FOXP1: variants seen among roughly 807,000 people sequenced by gnomAD.
The protein encoded by FOXP1 is forkhead box P1.
A neutral mutation model predicts 98.2 loss-of-function variants in FOXP1; 15 were observed. The observed-to-expected ratio is 0.15, with a 90% CI of 0.10 to 0.24. FOXP1 has a LOEUF of 0.24. FOXP1 is among the 10% of genes least tolerant of loss of function. FOXP1 has a pLI of 1.00. For missense variants in FOXP1, 633 were observed against 848.5 expected (o/e 0.75, Z 3.15); for synonymous variants, 371 against 314.5 (o/e 1.18, Z -1.90).
Position 71,583,578 on chromosome 3 carries a change from A to C in FOXP1, c.-454T>G. On this transcript the variant is annotated 5_prime_UTR_variant, in exon 1 of 21. Coordinates refer to ENST00000649528, the MANE Select transcript of FOXP1 (RefSeq NM_001349338.3). ...GGAAAAATACAAACTCACCCGCTGC[A>C]AATGGTCTCTCGGTGCAAACTAAGG... 1.0e-6 allele frequency: 1 copy of C among 982,680 alleles called. No homozygotes were observed. Among genetic ancestry groups the C allele is most frequent in the South Asian group, 4.7e-5 (1 of 21,158 alleles). 60.9% of individuals were successfully genotyped at this position (982,680 alleles called of 1,614,324 possible).
intron 7 of FOXP1, among the ~76,000 whole-genome samples, chr3:71,079,651 G>C (rs760073468): frequency 4.6e-4 from 70 of 152,208 alleles, no homozygotes; most frequent in Non-Finnish European, 6.9e-4. Context: ...ACCTGTTCAC[G>C]TCAGGGCTTA....
At chr3:71,063,910 G>GTCCTC (rs2051917668) in intron 7 of FOXP1, among the ~76,000 whole-genome samples, 1 of 152,124 alleles carries the variant, frequency 6.6e-6, no homozygotes, top group Non-Finnish European at 1.5e-5. Context: ...CTTCCTAAAG[G>GTCCTC]TCCTCTCCTT....
At chr3:71,519,135 A>ATT (rs2042792870) in intron 2 of FOXP1, among the ~76,000 whole-genome samples, 2 of 152,202 alleles carry the variant, frequency 1.3e-5, no homozygotes, top group Admixed American at 6.5e-5. Context: ...ATTGCCAGCT[A>ATT]CTCAGAAGGC....
At chr3:71,414,869 T>C (rs772818944) in intron 3 of FOXP1, among the ~76,000 whole-genome samples, 9 of 152,260 alleles carry the variant, frequency 5.9e-5, no homozygotes, top group Admixed American at 1.3e-4. Flanking sequence ...CAGAATTGCA[T>C]AGCTTCAGGG....
intron 3 of FOXP1, among the ~76,000 whole-genome samples, chr3:71,465,625 G>A (rs1484365280): frequency 3.9e-5 from 6 of 152,152 alleles, no homozygotes; most frequent in Non-Finnish European, 7.3e-5. Context: ...GGCAGGGTCC[G>A]TGCTTGGTTT....
chr3:71,568,924 G>A lies in FOXP1; in HGVS notation c.-298+12625C>T, dbSNP rs562984049. On this transcript the variant is annotated intron_variant, in intron 2 of 20. Coordinates refer to ENST00000649528, the MANE Select transcript of FOXP1 (RefSeq NM_001349338.3). ...GGCCTGCCAAAGTGCTAGGATTACA[G>A]GCGTGAGCCACTGTGCCCAGCCTGT... Among the ~76,000 whole-genome samples the A allele has an allele frequency of 2.6e-5, 4 of 152,322 alleles. No individual in the cohort carries two copies. The East Asian group carries it at 7.7e-4, about 29-fold the overall frequency.
intron 11 of FOXP1, among the ~76,000 whole-genome samples, chr3:71,039,278 T>C (rs1461534958): frequency 6.6e-6 from 1 of 152,150 alleles, no homozygotes; most frequent in African/African-American, 2.4e-5. Flanking sequence ...GTGTGTAGTA[T>C]GATGAAGATT....
Position 71,015,629 on chromosome 3 carries a change from A to G in FOXP1, c.894T>C (p.His298=), listed in dbSNP as rs751910709. ...RESLSHEEHP[H]SHPLYGHGVC... ...CACCATGTCCATAGAGAGGATGGCT[A>G]TGGGGGTGCTCCTCATGGGACAAAC... Residue 298 remains histidine, a synonymous_variant, in exon 12 of 21, where the codon CAT becomes CAC. Transcript: ENST00000649528. The G allele has an allele frequency of 1.9e-6, 3 of 1,612,202 alleles. No homozygotes were observed. Among genetic ancestry groups the G allele is most frequent in the African/African-American group, 1.3e-5 (1 of 74,846 alleles).
At chr3:71,171,690 G>A (rs1025263354) in intron 6 of FOXP1, among the ~76,000 whole-genome samples, 1 of 152,158 alleles carries the variant, frequency 6.6e-6, no homozygotes, top group Non-Finnish European at 1.5e-5. Flanking sequence ...CAATCTATTA[G>A]CAACCTGAAT....
At chr3:71,487,581 GA>G (rs1375511253) in intron 3 of FOXP1, among the ~76,000 whole-genome samples, 1 of 152,206 alleles carries the variant, frequency 6.6e-6, no homozygotes, top group Non-Finnish European at 1.5e-5. Context: ...GTAAAGGAAA[GA>G]ATATGACCAA....
chr3:71,008,452 G>A (rs1474125545), intron 12 of FOXP1, among the ~76,000 whole-genome samples: 1 of 152,118 alleles, frequency 6.6e-6, no homozygotes, highest in East Asian at 1.9e-4. Flanking sequence ...ACTTGTTTTT[G>A]TTTTTCTGTT....
chr3:71,177,840 C>CTTTTTT lies in FOXP1; in HGVS notation c.180+20356_180+20361dup, dbSNP rs397704711. On this transcript the variant is annotated intron_variant, in intron 6 of 20. Transcript: ENST00000649528. ...ATAGTTTATTTTCTTTTCTTTCTTT[C>CTTTTTT]TTTTTTTTTTTTTTTTTTTGAGAAA... is the stretch of plus-strand genomic sequence containing the variant. Among the ~76,000 whole-genome samples the CTTTTTT allele has an allele frequency of 4.4e-4, 50 of 114,920 alleles. 2 individuals carry two copies. Among genetic ancestry groups the CTTTTTT allele is most frequent in the African/African-American group, 8.1e-4 (23 of 28,466 alleles). 75.4% of individuals were successfully genotyped at this position (114,920 alleles called of 152,430 possible).
chr3:71,542,310 T>G (rs2044908144), intron 2 of FOXP1, among the ~76,000 whole-genome samples: 1 of 152,338 alleles, frequency 6.6e-6, no homozygotes, highest in South Asian at 2.1e-4. Flanking sequence ...TTTTTGTTGT[T>G]GTTTGCACCC....
intron 12 of FOXP1, among the ~76,000 whole-genome samples, chr3:71,003,195 A>ACTTGTCCGTC (rs2042332714): frequency 6.6e-6 from 1 of 152,192 alleles, no homozygotes; most frequent in Non-Finnish European, 1.5e-5. Context: ...AAACGGACAA[A>ACTTGTCCGTC]AAGCAAGGCC....
chr3:71,478,818 T>C (rs551652282), intron 3 of FOXP1, among the ~76,000 whole-genome samples: 6 of 152,310 alleles, frequency 3.9e-5, no homozygotes, highest in African/African-American at 1.4e-4. Flanking sequence ...AGGCACCATG[T>C]TCAGGAAATG....
intron 11 of FOXP1, among the ~76,000 whole-genome samples, chr3:71,020,044 C>T (rs900080530): frequency 4.6e-5 from 7 of 152,038 alleles, no homozygotes; most frequent in African/African-American, 7.2e-5. Flanking sequence ...GAGAAACTAT[C>T]GTTATGACAC....
intron 3 of FOXP1, among the ~76,000 whole-genome samples, chr3:71,469,275 T>C (rs541561952): frequency 2.6e-5 from 4 of 152,228 alleles, no homozygotes; most frequent in African/African-American, 9.6e-5. Flanking sequence ...CAACACTGTT[T>C]CCATAGTAAC....
intron 17 of FOXP1, 26 bp from the exon 18 acceptor site, chr3:70,972,702 A>ATTTACATTTTCTATAAGAAAAGACTC: frequency 6.2e-7 from 1 of 1,612,688 alleles, no homozygotes; most frequent in Non-Finnish European, 8.5e-7. Context: ...AAGAGAGAAC[A>ATTTACATTTTCTATAAGAAAAGACTC]TTTACATTTT....
chr3:71,249,125 T>A (rs2067988667), intron 5 of FOXP1, among the ~76,000 whole-genome samples: 1 of 152,154 alleles, frequency 6.6e-6, no homozygotes, highest in African/African-American at 2.4e-5. Context: ...GAGTTTAGAG[T>A]CATGTGGATG....
Sources: gnomAD v4.1 joint callset for allele counts (sites outside exome capture counted in the v4.1 genomes callset) on GRCh38, gnomAD v4.1.1 for gene constraint, MANE v1.5 for transcripts, NCBI Gene and HGNC (gene_info 2026-07-23, HGNC 2026-07-21) for gene names.